UBASH3B: variants seen among roughly 807,000 people sequenced by gnomAD.
UBASH3B encodes the protein ubiquitin associated and SH3 domain containing B.
Under a neutral mutation model 83.4 loss-of-function variants are expected in UBASH3B, and 37 were observed. The observed-to-expected ratio is 0.44, with a 90% CI of 0.34 to 0.58. The LOEUF is 0.58. Among genes scored for constraint, UBASH3B ranks in the 20% least tolerant of loss-of-function variants. The probability of loss-of-function intolerance (pLI) is 0.01; values close to 1 mark genes in which losing one functional copy is unlikely to be tolerated. For synonymous variants in UBASH3B, 304 were observed against 318.3 expected (o/e 0.96, Z 0.48); for missense variants, 657 against 827.2 (o/e 0.79, Z 2.52).
intron 1 of UBASH3B, among the ~76,000 whole-genome samples, chr11:122,745,865 C>A (rs1282758700): frequency 6.6e-6 from 1 of 152,178 alleles, no homozygotes; most frequent in Non-Finnish European, 1.5e-5. Flanking sequence ...GATAGGTGAC[C>A]CACCTGCATG....
Position 122,660,232 on chromosome 11 carries a change from T to G in UBASH3B, c.161+4022T>G, listed in dbSNP as rs916184166. ...AACTTAGACACTGCTATAGGAGAAT[T>G]TGCCTCATGGAGGACTGAGAAGTGG... On this transcript the variant is annotated intron_variant, in intron 1 of 13. Transcript: ENST00000284273. 3.9e-5 allele frequency among the ~76,000 whole-genome samples: 6 copies of G among 152,208 alleles called. No homozygotes were observed. The South Asian group carries it at 6.2e-4, about 16-fold the overall frequency.
chr11:122,804,556 G>T (rs1861306224), intron 11 of UBASH3B, among the ~76,000 whole-genome samples: 1 of 152,112 alleles, frequency 6.6e-6, no homozygotes, highest in African/African-American at 2.4e-5. Flanking sequence ...GTTAGCATAG[G>T]GAAGTCAGCT....
intron 1 of UBASH3B, among the ~76,000 whole-genome samples, chr11:122,741,811 C>G (rs1023668019): frequency 2.6e-5 from 4 of 152,270 alleles, no homozygotes; most frequent in Middle Eastern, 3.4e-3. Context: ...GCTCTTCCCC[C>G]CTCCCTCCCA....
At chr11:122,711,777 C>T (rs553989946) in intron 1 of UBASH3B, among the ~76,000 whole-genome samples, 180 of 152,316 alleles carry the variant, frequency 1.2e-3, no homozygotes, top group Middle Eastern at 6.8e-3. Flanking sequence ...AATACTAATC[C>T]TGCCTTCAAT....
At chr11:122,738,410 G>A (rs1344051376) in intron 1 of UBASH3B, among the ~76,000 whole-genome samples, 1 of 152,190 alleles carries the variant, frequency 6.6e-6, no homozygotes, top group Non-Finnish European at 1.5e-5. Flanking sequence ...AGCAGTTCCA[G>A]GGAGGAAGAG....
intron 1 of UBASH3B, among the ~76,000 whole-genome samples, chr11:122,742,692 C>A (rs1861046181): frequency 6.6e-6 from 1 of 152,224 alleles, no homozygotes; most frequent in South Asian, 2.1e-4. Flanking sequence ...AGCTGCCTGG[C>A]ATTGAGGCCA....
chr11:122,783,140 T>G lies in UBASH3B; in HGVS notation c.689T>G (p.Leu230Arg). Residue 230 changes from leucine to arginine, a missense_variant, in exon 5 of 14, where the codon CTG becomes CGG. Leu to Arg is a moderately radical substitution (Grantham distance 102, BLOSUM62 -2). This residue lies in a region of UBASH3B where 573 missense variants were observed against 739.0 expected (regional missense o/e 0.78). Coordinates refer to ENST00000284273, the MANE Select transcript of UBASH3B (RefSeq NM_032873.5). ...AGCCACCTACCCACCCTAGAGAAAC[T>G]GGCCCAGAACATTGACGTCAAGCTA... ...QASHLPTLEK[L>R]AQNIDVKLGC... The G allele has an allele frequency of 6.2e-7, 1 of 1,614,134 alleles. No homozygotes were observed. Among genetic ancestry groups the G allele is most frequent in the Non-Finnish European group, 8.5e-7 (1 of 1,180,002 alleles).
At chr11:122,733,229 C>T (rs1860873485) in intron 1 of UBASH3B, among the ~76,000 whole-genome samples, 1 of 152,228 alleles carries the variant, frequency 6.6e-6, no homozygotes, top group Non-Finnish European at 1.5e-5. Context: ...CAGCTTCCCA[C>T]TCACTCCATC....
At chr11:122,762,906 C>G (rs994138771) in intron 1 of UBASH3B, among the ~76,000 whole-genome samples, 1 of 152,226 alleles carries the variant, frequency 6.6e-6, no homozygotes, top group Non-Finnish European at 1.5e-5. Context: ...TAATAATGCA[C>G]AGGCATATGT....
intron 1 of UBASH3B, among the ~76,000 whole-genome samples, chr11:122,728,369 T>C (rs1860781896): frequency 6.6e-6 from 1 of 152,220 alleles, no homozygotes; most frequent in Non-Finnish European, 1.5e-5. Context: ...CTAGGACCAC[T>C]CTTTATGGTG....
intron 1 of UBASH3B, among the ~76,000 whole-genome samples, chr11:122,682,052 C>G (rs1206213637): frequency 1.3e-5 from 2 of 152,116 alleles, no homozygotes; most frequent in African/African-American, 2.4e-5. Flanking sequence ...CAAAAAAGCA[C>G]CAGTCGTGAA....
At chr11:122,796,004 C>G in intron 7 of UBASH3B, 152 bp from the exon 8 acceptor site, 1 of 873,952 alleles carries the variant, frequency 1.1e-6, no homozygotes, top group Non-Finnish European at 1.8e-6. Flanking sequence ...CTCCAAATAA[C>G]TTATGAGGTC....
rs750543954 is a variant in UBASH3B, at chr11:122,783,074, A to G, written c.623A>G (p.Lys208Arg). The G allele has an allele frequency of 3.3e-5, 54 of 1,612,694 alleles. No homozygotes were observed. The highest frequency in any genetic ancestry group is 4.5e-5 in the Non-Finnish European group (53 of 1,179,592). The change falls in exon 5 of 14, where the codon AAG becomes AGG. Residue 208 changes from lysine (K) to arginine (R), a missense_variant. Transcript: ENST00000284273. ...SKTEVHVEPH[K>R]KQLHVTLAYH... The stretch of plus-strand genomic sequence containing the variant: ...CCAGAAGTGCATGTGGAACCTCATA[A>G]GAAGCAGCTACATGTGACCCTGGCT...
At chr11:122,710,193 AAGAT>A (rs1864173952) in intron 1 of UBASH3B, among the ~76,000 whole-genome samples, 2 of 151,248 alleles carry the variant, frequency 1.3e-5, no homozygotes, top group African/African-American at 2.4e-5. Context: ...TCATGGATTT[AAGAT>A]AATCATAATA....
At chr11:122,751,341 C>T (rs1031132649) in intron 1 of UBASH3B, among the ~76,000 whole-genome samples, 22 of 152,212 alleles carry the variant, frequency 1.4e-4, no homozygotes, top group Admixed American at 9.8e-4. Context: ...ATGCGGTCCA[C>T]GCCCCAGGAG....
intron 5 of UBASH3B, among the ~76,000 whole-genome samples, chr11:122,785,498 T>A (rs1449300337): frequency 6.6e-6 from 1 of 152,218 alleles, no homozygotes; most frequent in Non-Finnish European, 1.5e-5. Flanking sequence ...CTCATTCCTC[T>A]GCTATTTAGA....
At chr11:122,681,029 CTTT>C (rs1480675572) in intron 1 of UBASH3B, among the ~76,000 whole-genome samples, 2 of 152,252 alleles carry the variant, frequency 1.3e-5, no homozygotes, top group South Asian at 4.1e-4. Flanking sequence ...TACCAAAACT[CTTT>C]TTTATTTAGC....
At chr11:122,780,280 T>G (rs1860826797) in intron 4 of UBASH3B, among the ~76,000 whole-genome samples, 1 of 152,216 alleles carries the variant, frequency 6.6e-6, no homozygotes, top group African/African-American at 2.4e-5. Flanking sequence ...CTCCTGCTCT[T>G]CTCATGGGAG....
At chr11:122,721,115 T>G (rs566349229) in intron 1 of UBASH3B, among the ~76,000 whole-genome samples, 4 of 151,886 alleles carry the variant, frequency 2.6e-5, no homozygotes, top group Admixed American at 6.6e-5. Context: ...CGTGGTGGCG[T>G]GTGCCTGTAG....
Sources: allele counts gnomAD v4.1 joint callset (sites outside exome capture counted in the v4.1 genomes callset), GRCh38; gene constraint gnomAD v4.1.1; regional missense constraint gnomAD v4.1.1; transcripts MANE v1.5; gene names NCBI Gene and HGNC (gene_info 2026-07-23, HGNC 2026-07-21).